Variants in GOLPH3 observed in about 807,000 individuals in gnomAD.
GOLPH3 encodes golgi phosphoprotein 3.
In GOLPH3, 14 loss-of-function variants were observed where a neutral mutation model predicts 28.5. That is an observed-to-expected ratio of 0.49 (90% CI 0.32 to 0.77). The LOEUF is 0.77. GOLPH3 is among the 30% of genes least tolerant of loss of function. The pLI is 0.03. For synonymous variants in GOLPH3, 158 were observed against 159.2 expected (o/e 0.99, Z 0.06); for missense variants, 350 against 393.7 (o/e 0.89, Z 0.94).
At chr5:32,150,620 A>G (rs538245922) in intron 1 of GOLPH3, among the ~76,000 whole-genome samples, 31 of 152,278 alleles carry the variant, frequency 2.0e-4, no homozygotes, top group African/African-American at 7.2e-4. Context: ...AATCAAATAC[A>G]GATTGAGTAT....
intron 1 of GOLPH3, among the ~76,000 whole-genome samples, chr5:32,159,383 G>C (rs1199861253): frequency 6.6e-6 from 1 of 152,206 alleles, no homozygotes; most frequent in Non-Finnish European, 1.5e-5. Context: ...AAGTGTGCCA[G>C]GTATGGAATC....
chr5:32,164,299 CTCAT>C (rs905625212), intron 1 of GOLPH3, among the ~76,000 whole-genome samples: 2 of 152,040 alleles, frequency 1.3e-5, no homozygotes, highest in Non-Finnish European at 2.9e-5. Flanking sequence ...AGATTTTTTC[CTCAT>C]TATCTTCTCC....
At position 32,126,409 on chromosome 5, in the gene GOLPH3, T is replaced by C; in HGVS notation, c.700A>G (p.Arg234Gly). ...AGGTAAATGAGGGCCAGCAAGCGCC[T>C]GTCCATGCGGTGAGGGTCATTCACC... Reference protein sequence around the residue: ...KWVNDPHRMDRRLLALIYLAH... With the variant: ...KWVNDPHRMDGRLLALIYLAH... Residue 234 changes from arginine (R) to glycine (G), a missense_variant, in exon 4 of 4, where the codon AGG becomes GGG. Transcript: ENST00000265070. 6.2e-7 allele frequency: 1 copy of C among 1,614,178 alleles called. No individual in the cohort carries two copies. Among genetic ancestry groups the C allele is most frequent in the Non-Finnish European group, 8.5e-7 (1 of 1,180,026 alleles).
chr5:32,173,713 G>T, intron 1 of GOLPH3, 97 bp downstream of exon 1: 1 of 850,782 alleles, frequency 1.2e-6, no homozygotes, highest in African/African-American at 1.8e-5. Flanking sequence ...AGGTGCGCGG[G>T]CCGGAAGCCT....
intron 3 of GOLPH3, among the ~76,000 whole-genome samples, chr5:32,135,280 C>T (rs1581538724): frequency 6.6e-6 from 1 of 152,296 alleles, no homozygotes; most frequent in Non-Finnish European, 1.5e-5. Flanking sequence ...GGGTTTGTTA[C>T]CACCACAGCT....
intron 1 of GOLPH3, among the ~76,000 whole-genome samples, chr5:32,159,916 G>T (rs1468009586): frequency 6.6e-6 from 1 of 152,206 alleles, no homozygotes; most frequent in African/African-American, 2.4e-5. Flanking sequence ...CTGTGGGTAA[G>T]TATTTTAAGT....
Position 32,125,864 on chromosome 5 carries a change from T to C in GOLPH3, c.*348A>G, listed in dbSNP as rs904706706. 2.8e-5 allele frequency: 6 copies of C among 214,552 alleles called. No individual in the cohort carries two copies. Among genetic ancestry groups the C allele is most frequent in the Non-Finnish European group, 5.6e-5 (6 of 107,166 alleles). 13.3% of individuals were successfully genotyped at this position (214,552 alleles called of 1,614,324 possible). A position where few individuals can be genotyped will look rare whatever the true frequency, so the allele number is the denominator to read the frequency against. ...GCAGAATGCTAGATGTACATGCACATATGGAGAAACTCAAGCTGAGGTCAT... is the reference window on the plus strand; with the variant it reads ...GCAGAATGCTAGATGTACATGCACACATGGAGAAACTCAAGCTGAGGTCAT... On this transcript the variant is annotated 3_prime_UTR_variant, in exon 4 of 4. Coordinates refer to ENST00000265070, the MANE Select transcript of GOLPH3 (RefSeq NM_022130.4).
In GOLPH3 at chr5:32,174,269, C is replaced by G; in HGVS notation, c.-235G>C. The G allele has an allele frequency of 2.8e-6, 1 of 354,314 alleles. No individual in the cohort carries two copies. Among genetic ancestry groups the G allele is most frequent in the Non-Finnish European group, 5.0e-6 (1 of 198,324 alleles). The allele number at this position is 354,314 out of a possible 1,614,324, so 21.9% of individuals were successfully genotyped here. On this transcript the variant is annotated 5_prime_UTR_variant, in exon 1 of 4. Coordinates refer to ENST00000265070, the MANE Select transcript of GOLPH3 (RefSeq NM_022130.4). ...CCTTCCTGCCTGTGGCCGCAGTCCCCGAAACACCCCGAGCTCCAAGGCGGA... is the reference window on the plus strand; with the variant it reads ...CCTTCCTGCCTGTGGCCGCAGTCCCGGAAACACCCCGAGCTCCAAGGCGGA...
chr5:32,164,016 G>A (rs907222030), intron 1 of GOLPH3, among the ~76,000 whole-genome samples: 14 of 152,172 alleles, frequency 9.2e-5, no homozygotes, highest in Admixed American at 2.0e-4. Context: ...GTCCCAGAAG[G>A]TAGTGGTGGA....
chr5:32,138,047 G>C (rs753283976), intron 2 of GOLPH3, among the ~76,000 whole-genome samples: 1 of 151,844 alleles, frequency 6.6e-6, no homozygotes, highest in Non-Finnish European at 1.5e-5. Context: ...GGGATTACAG[G>C]TGCACACCAC....
intron 2 of GOLPH3, among the ~76,000 whole-genome samples, chr5:32,138,828 A>T (rs943508717): frequency 6.6e-6 from 1 of 152,230 alleles, no homozygotes; most frequent in African/African-American, 2.4e-5. Context: ...TTTCATCATC[A>T]AAGTTCCATC....
intron 3 of GOLPH3, among the ~76,000 whole-genome samples, chr5:32,130,302 G>T (rs1745797396): frequency 6.6e-6 from 1 of 152,070 alleles, no homozygotes; most frequent in African/African-American, 2.4e-5. Flanking sequence ...AAACGACTTA[G>T]GGAAATTTAA....
chr5:32,158,018 TAAAATACACAC>T (rs1561678571), intron 1 of GOLPH3, among the ~76,000 whole-genome samples: 25 of 26,958 alleles, frequency 9.3e-4, no homozygotes, highest in African/African-American at 3.3e-3. Flanking sequence ...AATAAATAAA[TAAAATACACAC>T]ACACACACAC....
rs184777738 is a variant in GOLPH3, at chr5:32,148,821, C to T, written c.226-4941G>A. The stretch of plus-strand genomic sequence containing the variant: ...CAAAAAAAATAAAAAATACAAAATA[C>T]AAAATTACCCAGGCGTGGTGGCGCA... On this transcript the variant is annotated intron_variant, in intron 1 of 3. Coordinates refer to ENST00000265070, the MANE Select transcript of GOLPH3 (RefSeq NM_022130.4). 4.6e-4 allele frequency among the ~76,000 whole-genome samples: 70 copies of T among 151,846 alleles called. 1 individual carries two copies. In the East Asian group the frequency reaches 0.012, roughly 27 times the overall value.
chr5:32,158,132 T>TAAATAAATAAA (rs1308648161), intron 1 of GOLPH3, among the ~76,000 whole-genome samples: 7 of 33,684 alleles, frequency 2.1e-4, no homozygotes, highest in African/African-American at 7.2e-4. Flanking sequence ...ATAAATAAAA[T>TAAATAAATAAA]ACACACACAC....
Position 32,155,455 on chromosome 5 carries a change from T to C in GOLPH3, c.226-11575A>G, listed in dbSNP as rs111511878. The stretch of plus-strand genomic sequence containing the variant: ...CCTGCCTTGGTCTCCTCCAAAGTGC[T>C]AGGATTACAGGCATGTAATCCTGGA... On this transcript the variant is annotated intron_variant, in intron 1 of 3. Coordinates refer to ENST00000265070, the MANE Select transcript of GOLPH3 (RefSeq NM_022130.4). Among the ~76,000 whole-genome samples the C allele has an allele frequency of 7.4e-3, 1,128 of 152,318 alleles. 17 individuals carry two copies. Among genetic ancestry groups the C allele is most frequent in the African/African-American group, 0.026 (1,082 of 41,562 alleles).
At chr5:32,157,747 C>T (rs1194294213) in intron 1 of GOLPH3, among the ~76,000 whole-genome samples, 1 of 152,064 alleles carries the variant, frequency 6.6e-6, no homozygotes, top group Non-Finnish European at 1.5e-5. Flanking sequence ...GAGGCTAAGG[C>T]GGGTGGATCA....
chr5:32,172,072 A>G (rs1196085290), intron 1 of GOLPH3, among the ~76,000 whole-genome samples: 1 of 152,226 alleles, frequency 6.6e-6, no homozygotes, highest in Non-Finnish European at 1.5e-5. Flanking sequence ...TTTTCATCCA[A>G]AGAACAAGGA....
chr5:32,131,109 G>A (rs1745816463), intron 3 of GOLPH3, among the ~76,000 whole-genome samples: 1 of 152,164 alleles, frequency 6.6e-6, no homozygotes, highest in Non-Finnish European at 1.5e-5. Flanking sequence ...CAATTCCCTG[G>A]GAAGAGGGTA....
Sources: gnomAD v4.1 joint callset for allele counts (sites outside exome capture counted in the v4.1 genomes callset) on GRCh38, gnomAD v4.1.1 for gene constraint, MANE v1.5 for transcripts, NCBI Gene and HGNC (gene_info 2026-07-23, HGNC 2026-07-21) for gene names.